The following UNKL variants were observed in gnomAD, a reference collection of about 807,000 sequenced individuals.
The protein encoded by UNKL is unk like zinc finger, also known as putative E3 ubiquitin-protein ligase UNKL.
A neutral mutation model predicts 78.0 loss-of-function variants in UNKL; 60 were observed. That is an observed-to-expected ratio of 0.77 (90% CI 0.63 to 0.95). UNKL has a LOEUF of 0.95. UNKL is among the 40% of genes least tolerant of loss of function. The probability of loss-of-function intolerance (pLI) is 0.00; values close to 1 mark genes in which losing one functional copy is unlikely to be tolerated. For synonymous variants in UNKL, 608 were observed against 474.8 expected (o/e 1.28, Z -3.65); for missense variants, 1,159 against 1,045.7 (o/e 1.11, Z -1.49).
rs1459755273 is a variant in UNKL at position 1,401,608 on chromosome 16, G to A, written c.558C>T (p.Ala186=). 2 of 1,606,968 alleles carry A rather than the reference G, an allele frequency of 1.2e-6. No individual in the cohort carries two copies. Among genetic ancestry groups the A allele is most frequent in the African/African-American group, 1.4e-5 (1 of 73,758 alleles). The part of the protein sequence containing the change: ...DLQPGVLASQ[A]MIEKILSEDP... ...CCTCGCTCAGGATCTTCTCAATCAT[G>A]GCCTGGCTGGCCAAGACCCCAGGCT... is the stretch of plus-strand genomic sequence containing the variant. The change falls in exon 4 of 15, where the codon GCC becomes GCT. Residue 186 remains alanine (A), a synonymous_variant. Coordinates refer to ENST00000389221, the MANE Select transcript of UNKL (RefSeq NM_001372107.1).
At chr16:1,409,588 A>T (rs2037943289) in intron 2 of UNKL, among the ~76,000 whole-genome samples, 1 of 152,156 alleles carries the variant, frequency 6.6e-6, no homozygotes, top group African/African-American at 2.4e-5. Context: ...TACCACCCTC[A>T]ATTATAAACT....
intron 9 of UNKL, among the ~76,000 whole-genome samples, chr16:1,386,856 G>A (rs948518346): frequency 4.6e-5 from 7 of 152,166 alleles, no homozygotes; most frequent in Middle Eastern, 3.4e-3. Flanking sequence ...AGAGCCCCCC[G>A]TGACTGACTC....
intron 2 of UNKL, among the ~76,000 whole-genome samples, chr16:1,407,073 C>T (rs978165322): frequency 3.3e-5 from 5 of 151,240 alleles, no homozygotes; most frequent in African/African-American, 7.3e-5. Flanking sequence ...CACTTGAACC[C>T]GGGAGGTGGA....
At chr16:1,390,475 G>C (rs959562638) in intron 9 of UNKL, among the ~76,000 whole-genome samples, 157 bp downstream of exon 9, 1 of 152,186 alleles carries the variant, frequency 6.6e-6, no homozygotes, top group African/African-American at 2.4e-5. Context: ...TACAACAAGC[G>C]GACGTCAACC....
chr16:1,391,250 AC>A (rs2037038610), intron 8 of UNKL, among the ~76,000 whole-genome samples: 1 of 2,862 alleles, frequency 3.5e-4, no homozygotes, highest in African/African-American at 1.2e-3. Context: ...ACACACACAC[AC>A]ACACACACAC....
At chr16:1,408,784 G>C (rs1410494600) in intron 2 of UNKL, 3 of 152,552 alleles carry the variant, frequency 2.0e-5, no homozygotes, top group African/African-American at 7.2e-5. Flanking sequence ...TCCCAGTCCT[G>C]CTCTGCCCCA....
At chr16:1,375,911 C>T (rs1484122715) in intron 10 of UNKL, among the ~76,000 whole-genome samples, 1 of 152,222 alleles carries the variant, frequency 6.6e-6, no homozygotes, top group African/African-American at 2.4e-5. Flanking sequence ...GTTCTCAGGC[C>T]ATGGCTGAAG....
At chr16:1,375,752 G>A (rs961288258) in intron 10 of UNKL, among the ~76,000 whole-genome samples, 3 of 152,186 alleles carry the variant, frequency 2.0e-5, no homozygotes, top group African/African-American at 4.8e-5. Context: ...GATGCTCATC[G>A]GCGGAGCCAA....
At chr16:1,391,190 CACACA>C (rs1236085810) in intron 8 of UNKL, among the ~76,000 whole-genome samples, 3 of 118,456 alleles carry the variant, frequency 2.5e-5, no homozygotes, top group Non-Finnish European at 5.4e-5. Context: ...CACACACACA[CACACA>C]ATATATATGT....
chr16:1,407,990 G>C (rs570505746), intron 2 of UNKL, among the ~76,000 whole-genome samples: 1 of 151,658 alleles, frequency 6.6e-6, no homozygotes, highest in Non-Finnish European at 1.5e-5. Context: ...TGGATCGCTT[G>C]GGTACTCCGG....
At chr16:1,411,365 TAAATAAAATA>T (rs1235101800) in intron 2 of UNKL, among the ~76,000 whole-genome samples, 1 of 149,134 alleles carries the variant, frequency 6.7e-6, no homozygotes, top group Admixed American at 6.7e-5. Flanking sequence ...AACAAAATAA[TAAATAAAATA>T]AAATAAATTA....
chr16:1,368,596 G>A (rs1253569269), intron 12 of UNKL, among the ~76,000 whole-genome samples: 83 of 97,202 alleles, frequency 8.5e-4, no homozygotes, highest in Middle Eastern at 0.025. Flanking sequence ...GCGACAGAAT[G>A]AGACTCCGTC....
chr16:1,406,763 T>C (rs2037781752), intron 2 of UNKL, among the ~76,000 whole-genome samples: 17 of 152,066 alleles, frequency 1.1e-4, no homozygotes, highest in Admixed American at 1.0e-3. Flanking sequence ...CTGAAGTGAG[T>C]GGAACTTTCA....
intron 2 of UNKL, among the ~76,000 whole-genome samples, chr16:1,409,803 G>T (rs571151954): frequency 6.6e-6 from 1 of 152,078 alleles, no homozygotes; most frequent in Non-Finnish European, 1.5e-5. Flanking sequence ...TTATGAGGCC[G>T]GGCGCGGTGG....
chr16:1,400,993 C>T (rs2009868), intron 4 of UNKL, among the ~76,000 whole-genome samples: 140,251 of 152,296 alleles, frequency 0.92, 64,676 homozygotes, highest in East Asian at 1. Flanking sequence ...CCAGCCTTAC[C>T]ACGTTTTTTT....
intron 10 of UNKL, among the ~76,000 whole-genome samples, chr16:1,376,867 C>G (rs2036268948): frequency 6.6e-6 from 1 of 152,056 alleles, no homozygotes; most frequent in Non-Finnish European, 1.5e-5. Context: ...AAGTTACCTG[C>G]GCAAATGCTG....
At position 1,367,792 on chromosome 16, in the gene UNKL, G is replaced by C. The variant is rs1414342234; in HGVS notation, c.1652C>G (p.Pro551Arg). Residue 551 changes from proline to arginine, a missense_variant, in exon 13 of 15, where the codon CCC (proline) becomes CGC (arginine). By Grantham distance (103) the Pro-to-Arg change is moderately radical (BLOSUM62 -2). Coordinates refer to ENST00000389221, the MANE Select transcript of UNKL (RefSeq NM_001372107.1). ...VSGSFSPSPS[P>R]ILSAGPPSSS... Reference sequence around the variant, plus strand: ...GGATGGGGGGCCGGCACTCAGGATGGGGGAGGGGCTGGGGGAGAAGCTGCC... The same window carrying C: ...GGATGGGGGGCCGGCACTCAGGATGCGGGAGGGGCTGGGGGAGAAGCTGCC... 3 of 1,575,260 alleles carry C rather than the reference G, an allele frequency of 1.9e-6. No individual in the cohort carries two copies. The South Asian group carries it at 3.5e-5, about 18-fold the overall frequency.
Position 1,364,964 on chromosome 16 carries a change from C to G in UNKL, c.*1276G>C, listed in dbSNP as rs1267378272. On this transcript the variant is annotated 3_prime_UTR_variant, in exon 15 of 15. Coordinates refer to ENST00000389221, the MANE Select transcript of UNKL (RefSeq NM_001372107.1). ...CCAAGGAGCTACAAAGCACCATTGC[C>G]TAGGACAGCTCTGAGTAATCAGAAA... The G allele has an allele frequency of 6.6e-6, 1 of 152,160 alleles. No individual in the cohort carries two copies. Among genetic ancestry groups the G allele is most frequent in the Admixed American group, 6.5e-5 (1 of 15,284 alleles). 9.4% of individuals were successfully genotyped at this position (152,160 alleles called of 1,614,324 possible).
At chr16:1,389,974 T>C (rs945087008) in intron 9 of UNKL, among the ~76,000 whole-genome samples, 1 of 152,118 alleles carries the variant, frequency 6.6e-6, no homozygotes, top group African/African-American at 2.4e-5. Context: ...CAACTAAAAC[T>C]ACCTCATTCA....
Sources: gnomAD v4.1 joint callset for allele counts (sites outside exome capture counted in the v4.1 genomes callset) on GRCh38, gnomAD v4.1.1 for gene constraint, MANE v1.5 for transcripts, NCBI Gene and HGNC (gene_info 2026-07-23, HGNC 2026-07-21) for gene names.